Variants in ELF2 observed in about 807,000 individuals in gnomAD.
The protein encoded by ELF2 is ETS-related transcription factor Elf-2.
In ELF2, 11 loss-of-function variants were observed where a neutral mutation model predicts 54.8. That is an observed-to-expected ratio of 0.20 (90% CI 0.13 to 0.33). The LOEUF (loss-of-function observed/expected upper bound fraction) is 0.33, where lower values mean the gene tolerates loss of function less well. ELF2 is among the 10% of genes least tolerant of loss of function. The probability of loss-of-function intolerance (pLI) is 1.00; values close to 1 mark genes in which losing one functional copy is unlikely to be tolerated. For missense variants in ELF2, 513 were observed against 703.0 expected (o/e 0.73, Z 3.06); for synonymous variants, 203 against 245.1 (o/e 0.83, Z 1.61).
chr4:139,078,312 T>C (rs1730602624), intron 4 of ELF2, among the ~76,000 whole-genome samples: 1 of 152,230 alleles, frequency 6.6e-6, no homozygotes, highest in African/African-American at 2.4e-5. Flanking sequence ...CATTAGGTGA[T>C]AGTGGTATTC....
At chr4:139,080,984 TTAAG>T (rs945354451) in intron 4 of ELF2, among the ~76,000 whole-genome samples, 26 of 150,140 alleles carry the variant, frequency 1.7e-4, no homozygotes, top group African/African-American at 6.3e-4. Flanking sequence ...TACCTTTCCA[TTAAG>T]TATTTCCAAG....
intron 4 of ELF2, among the ~76,000 whole-genome samples, chr4:139,114,669 G>C (rs1172511234): frequency 2.8e-5 from 3 of 108,236 alleles, no homozygotes; most frequent in South Asian, 2.8e-4. Flanking sequence ...TTGCACCAAA[G>C]GCGTATCCTA....
intron 4 of ELF2, among the ~76,000 whole-genome samples, chr4:139,115,789 A>C (rs1578840733): frequency 6.6e-6 from 1 of 152,190 alleles, no homozygotes; most frequent in Middle Eastern, 3.4e-3. Flanking sequence ...AATGTTTCTT[A>C]CCATTGATAG....
At chr4:139,167,145 T>C (rs576850672) in intron 1 of ELF2, among the ~76,000 whole-genome samples, 1 of 152,322 alleles carries the variant, frequency 6.6e-6, no homozygotes, top group African/African-American at 2.4e-5. Context: ...TATGATAATA[T>C]AGGGTTGTTG....
chr4:139,135,713 T>C (rs1365983849), intron 3 of ELF2, among the ~76,000 whole-genome samples: 2 of 152,188 alleles, frequency 1.3e-5, no homozygotes, highest in African/African-American at 4.8e-5. Flanking sequence ...CCAGAATAGT[T>C]TGCCCTACTC....
At chr4:139,151,061 A>G (rs1246942295) in intron 1 of ELF2, among the ~76,000 whole-genome samples, 4 of 135,140 alleles carry the variant, frequency 3.0e-5, no homozygotes, top group African/African-American at 1.2e-4. Flanking sequence ...AGAAAGAAAG[A>G]AAGAAAGAAA....
chr4:139,093,956 T>C (rs1313028016), intron 4 of ELF2, among the ~76,000 whole-genome samples: 2 of 147,138 alleles, frequency 1.4e-5, no homozygotes, highest in African/African-American at 5.0e-5. Context: ...TGGAGTGCAA[T>C]GGCGTGATCT....
intron 4 of ELF2, among the ~76,000 whole-genome samples, chr4:139,085,236 G>C (rs1731849778): frequency 6.6e-6 from 1 of 152,020 alleles, no homozygotes; most frequent in African/African-American, 2.4e-5. Context: ...GACGAATAAC[G>C]CTTCATTAAA....
In ELF2 at chr4:139,073,573, G is replaced by T; in HGVS notation, c.239-6C>A. The T allele has an allele frequency of 6.7e-7, 1 of 1,495,720 alleles. No homozygotes were observed. Among genetic ancestry groups the T allele is most frequent in the Non-Finnish European group, 9.0e-7 (1 of 1,108,982 alleles). 92.7% of individuals were successfully genotyped at this position (1,495,720 alleles called of 1,614,324 possible). ...GCTGTGAACTGATGCTTCCACTGGA[G>T]GAAAAATAAGTTCTACTCAATTAAA... On this transcript the variant is annotated splice_region_variant and splice_polypyrimidine_tract_variant and intron_variant, in intron 4 of 9. Coordinates refer to ENST00000686138, the MANE Select transcript of ELF2 (RefSeq NM_001331036.3).
chr4:139,062,850 G>A (rs1409533839), intron 7 of ELF2, among the ~76,000 whole-genome samples: 4 of 152,126 alleles, frequency 2.6e-5, no homozygotes, highest in Admixed American at 6.5e-5. Context: ...TTCACCTACA[G>A]GCATGAACTC....
At chr4:139,163,457 C>T (rs138574342) in intron 1 of ELF2, among the ~76,000 whole-genome samples, 86 of 152,066 alleles carry the variant, frequency 5.7e-4, no homozygotes, top group African/African-American at 1.9e-3. Flanking sequence ...AGGAGAATAA[C>T]TTTTCACAAT....
chr4:139,090,639 T>C (rs921639943), intron 4 of ELF2, among the ~76,000 whole-genome samples: 10 of 152,198 alleles, frequency 6.6e-5, no homozygotes, highest in Admixed American at 2.0e-4. Flanking sequence ...CTGTCATCCA[T>C]GCGGGAGTAT....
intron 4 of ELF2, among the ~76,000 whole-genome samples, chr4:139,093,051 C>T (rs1217006042): frequency 2.7e-5 from 4 of 150,780 alleles, no homozygotes; most frequent in East Asian, 2.0e-4. Flanking sequence ...CTGCAAGCTC[C>T]GCCTCCCGGG....
chr4:139,074,196 T>A (rs558232401), intron 4 of ELF2, among the ~76,000 whole-genome samples: 79 of 152,128 alleles, frequency 5.2e-4, no homozygotes, highest in African/African-American at 1.8e-3. Context: ...CAAAGAAAGA[T>A]CCTTGAAATT....
intron 4 of ELF2, among the ~76,000 whole-genome samples, chr4:139,121,986 T>A (rs940650619): frequency 6.6e-6 from 1 of 152,186 alleles, no homozygotes; most frequent in Non-Finnish European, 1.5e-5. Context: ...GATGGCTACA[T>A]GCAAATCATA....
Position 139,059,447 on chromosome 4 carries a change from T to G in ELF2, c.1318A>C (p.Thr440Pro), listed in dbSNP as rs1727487692. 1.2e-6 allele frequency: 2 copies of G among 1,613,996 alleles called. No homozygotes were observed. The highest frequency in any genetic ancestry group is 1.7e-5 in the Admixed American group (1 of 60,016). Residue 440 changes from threonine to proline, a missense_variant, in exon 10 of 10, where the codon ACT (threonine) becomes CCT (proline). Coordinates refer to ENST00000686138, the MANE Select transcript of ELF2 (RefSeq NM_001331036.3). Reference protein sequence around the residue: ...SPKVVIQTIPTVMPASTENGD... With the variant: ...SPKVVIQTIPPVMPASTENGD... Reference sequence around the variant, plus strand: ...TTTTCAGTAGAAGCTGGCATCACAGTAGGGATTGTCTGAATGACTACCTTT... The same window carrying G: ...TTTTCAGTAGAAGCTGGCATCACAGGAGGGATTGTCTGAATGACTACCTTT...
At chr4:139,132,488 T>G (rs529007691) in intron 3 of ELF2, among the ~76,000 whole-genome samples, 2 of 152,210 alleles carry the variant, frequency 1.3e-5, no homozygotes, top group Admixed American at 1.3e-4. Flanking sequence ...CAACCACTGA[T>G]CTATCCCTAT....
intron 4 of ELF2, among the ~76,000 whole-genome samples, chr4:139,118,896 C>A (rs994532465): frequency 6.6e-6 from 1 of 152,060 alleles, no homozygotes; most frequent in African/African-American, 2.4e-5. Context: ...TATTTTCTGA[C>A]AGTGAAACAC....
intron 3 of ELF2, among the ~76,000 whole-genome samples, chr4:139,128,368 AAAG>A (rs755916172): frequency 6.6e-6 from 1 of 152,210 alleles, no homozygotes; most frequent in Non-Finnish European, 1.5e-5. Context: ...AAGTCCAATT[AAAG>A]AAGTTCTTTA....
Sources: allele counts gnomAD v4.1 joint callset (sites outside exome capture counted in the v4.1 genomes callset), GRCh38; gene constraint gnomAD v4.1.1; transcripts MANE v1.5; gene names NCBI Gene and HGNC (gene_info 2026-07-23, HGNC 2026-07-21).